Variants in HUNK observed in about 807,000 individuals in gnomAD.
The protein encoded by HUNK is hormonally up-regulated neu tumor-associated kinase.
HUNK carries 21 observed loss-of-function variants against 61.0 expected under a neutral mutation model. The ratio of observed to expected loss-of-function variants is 0.34; its 90% CI spans 0.24 to 0.50. HUNK has a LOEUF of 0.50. HUNK is among the 20% of genes least tolerant of loss of function. The probability of loss-of-function intolerance (pLI) is 0.98; values close to 1 mark genes in which losing one functional copy is unlikely to be tolerated. For missense variants in HUNK, 772 were observed against 945.7 expected (o/e 0.82, Z 2.41); for synonymous variants, 371 against 386.1 (o/e 0.96, Z 0.46).
At chr21:31,954,685 C>T (rs78419073) in intron 4 of HUNK, among the ~76,000 whole-genome samples, 20 of 152,296 alleles carry the variant, frequency 1.3e-4, no homozygotes, top group Admixed American at 6.5e-4. Context: ...TTTTTGAGTA[C>T]GCATCAGAAG....
intron 1 of HUNK, among the ~76,000 whole-genome samples, chr21:31,890,269 C>A (rs1346134019): frequency 6.6e-6 from 1 of 151,050 alleles, no homozygotes; most frequent in African/African-American, 2.4e-5. Flanking sequence ...CGCTCTGTTG[C>A]TCAGGCTGGA....
chr21:31,897,303 A>G (rs2052431789), intron 1 of HUNK, among the ~76,000 whole-genome samples: 1 of 152,178 alleles, frequency 6.6e-6, no homozygotes, highest in South Asian at 2.1e-4. Flanking sequence ...GGCTTCAACA[A>G]TGGAAATTTA....
intron 1 of HUNK, among the ~76,000 whole-genome samples, chr21:31,894,304 A>G (rs1601363501): frequency 6.6e-6 from 1 of 152,336 alleles, no homozygotes; most frequent in East Asian, 1.9e-4. Context: ...TCCCTCTTCC[A>G]GATCATTCCC....
At chr21:31,885,197 G>A (rs1178888462) in intron 1 of HUNK, among the ~76,000 whole-genome samples, 1 of 152,222 alleles carries the variant, frequency 6.6e-6, no homozygotes, top group Non-Finnish European at 1.5e-5. Context: ...CGAGGGAAAT[G>A]AAAACCTTTC....
intron 1 of HUNK, among the ~76,000 whole-genome samples, chr21:31,900,998 G>A (rs1298020459): frequency 1.3e-5 from 2 of 152,084 alleles, no homozygotes; most frequent in African/African-American, 2.4e-5. Flanking sequence ...TGGCACTTCC[G>A]TGGCTACTGG....
At chr21:31,931,943 C>T (rs990745175) in intron 2 of HUNK, among the ~76,000 whole-genome samples, 2 of 152,140 alleles carry the variant, frequency 1.3e-5, no homozygotes, top group East Asian at 3.9e-4. Context: ...CACGCGCGCC[C>T]ACCGCCATAT....
intron 7 of HUNK, among the ~76,000 whole-genome samples, chr21:31,976,497 TTCTC>T (rs1231898273): frequency 2.8e-5 from 4 of 142,636 alleles, no homozygotes; most frequent in African/African-American, 1.1e-4. Flanking sequence ...GACGGAGTCT[TTCTC>T]TGTCGCCTAG....
intron 1 of HUNK, among the ~76,000 whole-genome samples, chr21:31,896,037 G>C (rs1342731734): frequency 6.7e-6 from 1 of 149,868 alleles, no homozygotes; most frequent in Non-Finnish European, 1.5e-5. Context: ...TTTGGACACA[G>C]ATGTGCGCAC....
At chr21:31,878,547 C>A (rs2052283159) in intron 1 of HUNK, among the ~76,000 whole-genome samples, 1 of 151,954 alleles carries the variant, frequency 6.6e-6, no homozygotes, top group Non-Finnish European at 1.5e-5. Flanking sequence ...CCAGCCTGGC[C>A]AACATGGAGA....
In HUNK at chr21:31,873,671, C is replaced by G; in HGVS notation, c.-4C>G. 2 of 1,000,880 alleles carry G rather than the reference C, an allele frequency of 2.0e-6. No individual in the cohort carries two copies. The highest frequency in any genetic ancestry group is 2.4e-6 in the Non-Finnish European group (2 of 841,742). 62.0% of individuals were successfully genotyped at this position (1,000,880 alleles called of 1,614,324 possible). On this transcript the variant is annotated 5_prime_UTR_variant, in exon 1 of 11. Transcript: ENST00000270112. The surrounding 1 kb of genome is among the most constrained non-coding windows in gnomAD (Gnocchi z 6.1). The stretch of plus-strand genomic sequence containing the variant: ...CAGGAGCCGCGCGGGCCGCGGCGAG[C>G]GCGATGCCGGCGGCGGCGGGGGACG...
Position 32,002,448 on chromosome 21 carries a change from C to CA in HUNK, c.*3265dup, listed in dbSNP as rs2053252931. ...AACAAGCGGGAATTGCATTGGGGGGCATTTTCTGGGCCAGTTTCCCTGCCT... is the reference window on the plus strand; with the variant it reads ...AACAAGCGGGAATTGCATTGGGGGGCAATTTTCTGGGCCAGTTTCCCTGCCT... On this transcript the variant is annotated 3_prime_UTR_variant, in exon 11 of 11. Transcript: ENST00000270112. The CA allele has an allele frequency of 6.6e-6, 1 of 152,206 alleles. No homozygotes were observed. The highest frequency in any genetic ancestry group is 2.4e-5 in the African/African-American group (1 of 41,448). The allele number at this position is 152,206 out of a possible 1,614,324, so 9.4% of individuals were successfully genotyped here.
intron 5 of HUNK, among the ~76,000 whole-genome samples, chr21:31,964,335 A>G (rs562676331): frequency 6.6e-6 from 1 of 152,342 alleles, no homozygotes. Context: ...CTCTATTTGC[A>G]TCTATCAGGC....
At chr21:31,886,453 A>G (rs939001016) in intron 1 of HUNK, among the ~76,000 whole-genome samples, 6 of 150,812 alleles carry the variant, frequency 4.0e-5, no homozygotes, top group Non-Finnish European at 8.8e-5. Flanking sequence ...CCTCATATTC[A>G]AATAAAGTAC....
At chr21:31,994,081 G>C (rs1450612899) in intron 9 of HUNK, among the ~76,000 whole-genome samples, 1 of 152,262 alleles carries the variant, frequency 6.6e-6, no homozygotes, top group Non-Finnish European at 1.5e-5. Context: ...TGTAAAGGAG[G>C]TAGCAGAATT....
intron 7 of HUNK, among the ~76,000 whole-genome samples, chr21:31,975,759 G>T (rs546346063): frequency 1.3e-5 from 2 of 152,186 alleles, no homozygotes; most frequent in Non-Finnish European, 2.9e-5. Context: ...GAGAGCTAAA[G>T]ATGAAAATCT....
intron 4 of HUNK, among the ~76,000 whole-genome samples, chr21:31,949,593 A>G (rs1047228984): frequency 6.6e-6 from 1 of 152,118 alleles, no homozygotes; most frequent in African/African-American, 2.4e-5. Context: ...ACACACACAC[A>G]CGCACACAAA....
chr21:31,998,916 A>G lies in HUNK; in HGVS notation c.1877A>G (p.Asp626Gly). The stretch of plus-strand genomic sequence containing the variant: ...ACTCTGGTCTCTTTTGCTCACGAAG[A>G]TAAGAACAGCCCCCCAAAAGAGGAG... The part of the protein sequence containing the change: ...HPTLVSFAHE[D>G]KNSPPKEEGL... The change falls in exon 11 of 11, where the codon GAT (aspartate) becomes GGT (glycine). Residue 626 changes from aspartate to glycine, a missense_variant. Around this residue, in one of 2 missense-constraint regions of HUNK, gnomAD observed 413 missense variants for 444.4 expected, o/e 0.93. Coordinates refer to ENST00000270112, the MANE Select transcript of HUNK (RefSeq NM_014586.2). 1.2e-6 allele frequency: 2 copies of G among 1,614,180 alleles called. No individual in the cohort carries two copies. The highest frequency in any genetic ancestry group is 1.1e-5 in the South Asian group (1 of 91,088).
At chr21:31,953,243 C>CTT (rs397948129) in intron 4 of HUNK, among the ~76,000 whole-genome samples, 6 of 134,882 alleles carry the variant, frequency 4.4e-5, no homozygotes, top group African/African-American at 8.1e-5. Context: ...GGTTTCCATT[C>CTT]TTTTTTTTTT....
intron 1 of HUNK, among the ~76,000 whole-genome samples, chr21:31,892,205 A>AGT (rs2052395257): frequency 2.9e-5 from 4 of 137,826 alleles, no homozygotes; most frequent in African/African-American, 8.3e-5. Context: ...AGAGAGAGAG[A>AGT]GAGAGTGTGT....
Sources: allele counts gnomAD v4.1 joint callset (sites outside exome capture counted in the v4.1 genomes callset), GRCh38; gene constraint gnomAD v4.1.1; regional missense constraint gnomAD v4.1.1; non-coding constraint Gnocchi (gnomAD v3.1); transcripts MANE v1.5; gene names NCBI Gene and HGNC (gene_info 2026-07-23, HGNC 2026-07-21).